RRM2: variants seen among roughly 807,000 people sequenced by gnomAD.
RRM2 encodes the protein ribonucleoside-diphosphate reductase subunit M2.
A neutral mutation model predicts 45.9 loss-of-function variants in RRM2; 6 were observed. That is an observed-to-expected ratio of 0.13 (90% CI 0.07 to 0.26). The LOEUF (loss-of-function observed/expected upper bound fraction) is 0.26, where lower values mean the gene tolerates loss of function less well. Ranked by LOEUF, RRM2 falls within the 10% of genes least tolerant of loss-of-function variation. RRM2 has a pLI of 1.00. For missense variants in RRM2, 343 were observed against 489.5 expected (o/e 0.70, Z 2.82); for synonymous variants, 177 against 173.0 (o/e 1.02, Z -0.18).
intron 7 of RRM2, among the ~76,000 whole-genome samples, chr2:10,128,240 A>G (rs1298570032): frequency 6.6e-6 from 1 of 152,198 alleles, no homozygotes; most frequent in Non-Finnish European, 1.5e-5. Context: ...TAAGCATTTC[A>G]ATGAAATGAG....
At chr2:10,196,151 T>A (rs1664409535) in intron 3 of RRM2, among the ~76,000 whole-genome samples, 1 of 152,160 alleles carries the variant, frequency 6.6e-6, no homozygotes, top group African/African-American at 2.4e-5. Context: ...GGCAAGACCC[T>A]GCGGCACTGC....
intron 3 of RRM2, among the ~76,000 whole-genome samples, chr2:10,153,196 T>C (rs562336573): frequency 6.6e-6 from 1 of 152,124 alleles, no homozygotes; most frequent in East Asian, 1.9e-4. Context: ...GCTGAGTGTG[T>C]GCTGGCGCGC....
chr2:10,194,980 C>G (rs1664384567), intron 3 of RRM2, among the ~76,000 whole-genome samples: 1 of 152,222 alleles, frequency 6.6e-6, no homozygotes, highest in African/African-American at 2.4e-5. Context: ...TGGCCCTGTG[C>G]TACTGTGTGT....
At chr2:10,202,692 C>T (rs139511375) in intron 3 of RRM2, among the ~76,000 whole-genome samples, 1 of 152,228 alleles carries the variant, frequency 6.6e-6, no homozygotes, top group African/African-American at 2.4e-5. Context: ...TTGGAGGTGT[C>T]ATTTGTAGTT....
At chr2:10,160,433 G>A (rs909204638) in intron 3 of RRM2, among the ~76,000 whole-genome samples, 4 of 152,310 alleles carry the variant, frequency 2.6e-5, no homozygotes, top group East Asian at 3.9e-4. Context: ...CTTGCCCATC[G>A]GGCCCTGCAG....
intron 3 of RRM2, among the ~76,000 whole-genome samples, chr2:10,203,546 C>T (rs922340760): frequency 1.3e-5 from 2 of 152,100 alleles, no homozygotes; most frequent in East Asian, 1.9e-4. Context: ...GTCAGGAGTT[C>T]GAGCCCAGCC....
chr2:10,124,647 G>T, intron 4 of RRM2, 70 bp from the exon 5 acceptor site: 1 of 1,557,404 alleles, frequency 6.4e-7, no homozygotes, highest in Non-Finnish European at 8.8e-7. Flanking sequence ...GTGCGATGCT[G>T]CCAGTATCCG....
At chr2:10,179,735 T>C (rs953539071) in intron 3 of RRM2, among the ~76,000 whole-genome samples, 3 of 152,180 alleles carry the variant, frequency 2.0e-5, no homozygotes, top group African/African-American at 7.2e-5. Flanking sequence ...ATTGAATGTG[T>C]ATCACTTTCA....
At chr2:10,151,452 C>G (rs541618551) in intron 3 of RRM2, among the ~76,000 whole-genome samples, 2 of 152,054 alleles carry the variant, frequency 1.3e-5, no homozygotes, top group Admixed American at 1.3e-4. Flanking sequence ...TGCCCACCAA[C>G]AGCCCAGCTA....
At chr2:10,188,282 C>T (rs1156752176) in intron 3 of RRM2, among the ~76,000 whole-genome samples, 1 of 152,194 alleles carries the variant, frequency 6.6e-6, no homozygotes, top group Non-Finnish European at 1.5e-5. Flanking sequence ...AGAATGGGGG[C>T]TCACACCGCA....
At chr2:10,173,489 C>T (rs935526540) in intron 3 of RRM2, among the ~76,000 whole-genome samples, 2 of 152,152 alleles carry the variant, frequency 1.3e-5, no homozygotes, top group African/African-American at 2.4e-5. Flanking sequence ...CGCAAACCTC[C>T]GTCTGTCCCC....
chr2:10,200,869 G>A (rs996895818), intron 3 of RRM2, among the ~76,000 whole-genome samples: 4 of 152,252 alleles, frequency 2.6e-5, no homozygotes, highest in African/African-American at 7.2e-5. Flanking sequence ...ACTTTTGGTC[G>A]GGTGCCATGG....
intron 3 of RRM2, among the ~76,000 whole-genome samples, chr2:10,158,932 C>T (rs1179303984): frequency 6.6e-6 from 1 of 152,176 alleles, no homozygotes; most frequent in African/African-American, 2.4e-5. Flanking sequence ...AGCTCGTCCC[C>T]AGACCTTCAC....
In RRM2 at chr2:10,126,892, C is replaced by T. The variant is rs768283609; in HGVS notation, c.587C>T (p.Ala196Val). 1 of 1,613,682 alleles carries T rather than the reference C, an allele frequency of 6.2e-7. No homozygotes were observed. Among genetic ancestry groups the T allele is most frequent in the East Asian group, 2.2e-5 (1 of 44,880 alleles). Residue 196 changes from alanine to valine, a missense_variant, in exon 6 of 10, where the codon GCC (alanine) becomes GTC (valine). By Grantham distance (64) the Ala-to-Val change is moderately conservative (BLOSUM62 0). Around this residue, in one of 2 missense-constraint regions of RRM2, gnomAD observed 212 missense variants for 368.1 expected, o/e 0.58. Coordinates refer to ENST00000304567, the MANE Select transcript of RRM2 (RefSeq NM_001034.4). ...CCTACTAGGGAATTTCTCTTCAATG[C>T]CATTGAAACGATGCCTTGTGTCAAG... ...DPKEREFLFN[A>V]IETMPCVKKK...
rs1446193651 is a variant in RRM2, at chr2:10,122,905, C to T, written c.99+8C>T. On this transcript the variant is annotated splice_region_variant and intron_variant, in intron 1 of 9. Coordinates refer to ENST00000304567, the MANE Select transcript of RRM2 (RefSeq NM_001034.4). ...GTCGACAAGGAGAACACGGTGAGCCCGCGGGGAGGGCGCTGCGGGCAGGGG... is the reference window on the plus strand; with the variant it reads ...GTCGACAAGGAGAACACGGTGAGCCTGCGGGGAGGGCGCTGCGGGCAGGGG... 3.8e-6 allele frequency: 6 copies of T among 1,573,598 alleles called. No homozygotes were observed. In the South Asian group the frequency reaches 6.9e-5, roughly 18 times the overall value.
intron 3 of RRM2, among the ~76,000 whole-genome samples, chr2:10,164,804 C>T (rs1377613441): frequency 6.6e-6 from 1 of 152,178 alleles, no homozygotes; most frequent in African/African-American, 2.4e-5. Context: ...CCTCCCTGGT[C>T]CTGCAGTCCA....
intron 3 of RRM2, among the ~76,000 whole-genome samples, chr2:10,150,275 A>G (rs535902694): frequency 6.6e-6 from 1 of 152,026 alleles, no homozygotes; most frequent in Non-Finnish European, 1.5e-5. Flanking sequence ...GTGAAACCCC[A>G]TCTCTACTAA....
chr2:10,203,521 C>T (rs989718837), intron 3 of RRM2, among the ~76,000 whole-genome samples: 11 of 152,044 alleles, frequency 7.2e-5, no homozygotes, highest in African/African-American at 1.4e-4. Context: ...GAAGCTGAGG[C>T]GGACAGATCA....
intron 1 of RRM2, chr2:10,141,649 T>C: frequency 1.5e-6 from 1 of 660,450 alleles, no homozygotes; most frequent in Non-Finnish European, 2.5e-6. Context: ...AGGGTATGAT[T>C]AGCTCTGGGA....
Sources: allele counts gnomAD v4.1 joint callset (sites outside exome capture counted in the v4.1 genomes callset), GRCh38; gene constraint gnomAD v4.1.1; regional missense constraint gnomAD v4.1.1; transcripts MANE v1.5; gene names NCBI Gene and HGNC (gene_info 2026-07-23, HGNC 2026-07-21).